TMPRSS11F: variants seen among roughly 807,000 people sequenced by gnomAD.
The protein encoded by TMPRSS11F is transmembrane serine protease 11F.
TMPRSS11F carries 47 observed loss-of-function variants against 60.2 expected under a neutral mutation model. That is an observed-to-expected ratio of 0.78 (90% CI 0.62 to 1.00). The LOEUF (loss-of-function observed/expected upper bound fraction) is 1.00. Ranked by LOEUF, TMPRSS11F falls within the 50% of genes least tolerant of loss-of-function variation. The pLI is 0.00. For missense variants in TMPRSS11F, 519 were observed against 522.9 expected, an observed-to-expected ratio of 0.99 and a Z score of 0.07; for synonymous variants, 166 against 167.3, an observed-to-expected ratio of 0.99 and a Z score of 0.06.
At chr4:68,101,528 T>C (rs1251500809) in intron 1 of TMPRSS11F, among the ~76,000 whole-genome samples, 1 of 152,178 alleles carries the variant, frequency 6.6e-6, no homozygotes, top group African/African-American at 2.4e-5. Flanking sequence ...ATATATTTGT[T>C]AGATGTATAA....
In TMPRSS11F at chr4:68,090,588, T is replaced by C. The variant is rs1161461822; in HGVS notation, c.217A>G (p.Lys73Glu). The stretch of plus-strand genomic sequence containing the variant: ...GAAGATCTTATGCCATAATTTTCTT[T>C]ATATTTGATATTTGTGACTTTAAAA... ...ASFKVTNIKY[K>E]ENYGIRSSRE... Residue 73 changes from lysine (K) to glutamate (E), a missense_variant, in exon 3 of 10, where the codon AAA (lysine) becomes GAA (glutamate). Transcript: ENST00000356291. The C allele has an allele frequency of 1.2e-6, 2 of 1,601,976 alleles. No individual in the cohort carries two copies.
chr4:68,110,178 A>G (rs899857001), intron 1 of TMPRSS11F, among the ~76,000 whole-genome samples: 1 of 152,204 alleles, frequency 6.6e-6, no homozygotes, highest in African/African-American at 2.4e-5. Context: ...CATCTTCTTA[A>G]TGGCATGGGT....
rs993459483 is a variant in TMPRSS11F at position 68,064,883 on chromosome 4, T to C, written c.817A>G (p.Lys273Glu). 20 of 1,614,146 alleles carry C rather than the reference T, an allele frequency of 1.2e-5. No homozygotes were observed. The highest frequency in any genetic ancestry group is 1.6e-5 in the Non-Finnish European group (19 of 1,180,014). ...AGAATAATTTTCCTCACATTTCGTT[T>C]CACTGCGGGTGGTGTTATAGTTGCA... The part of the protein sequence containing the change: ...FGATITPPAV[K>E]RNVRKIILHE... The change falls in exon 8 of 10, where the codon AAA becomes GAA. Residue 273 changes from lysine to glutamate, a missense_variant. Transcript: ENST00000356291.
chr4:68,086,654 G>A (rs562898411), intron 3 of TMPRSS11F, among the ~76,000 whole-genome samples: 39 of 151,948 alleles, frequency 2.6e-4, no homozygotes, highest in Middle Eastern at 3.4e-3. Flanking sequence ...GAGACAATCC[G>A]TATAAATACA....
At chr4:68,080,102 T>TAGGA (rs1723661484) in intron 3 of TMPRSS11F, 2 of 152,216 alleles carry the variant, frequency 1.3e-5, no homozygotes, top group African/African-American at 4.8e-5. Flanking sequence ...AACTGATTCT[T>TAGGA]TTCCTCTTTC....
chr4:68,118,529 A>G (rs1244897710), intron 1 of TMPRSS11F, among the ~76,000 whole-genome samples: 1 of 152,202 alleles, frequency 6.6e-6, no homozygotes, highest in East Asian at 1.9e-4. Context: ...TTGATATACT[A>G]ATTACAATAT....
At chr4:68,115,325 C>T (rs1208754684) in intron 1 of TMPRSS11F, among the ~76,000 whole-genome samples, 1 of 134,496 alleles carries the variant, frequency 7.4e-6, no homozygotes, top group African/African-American at 2.8e-5. Flanking sequence ...CCACTGCACT[C>T]CAGCCTGGGC....
chr4:68,088,199 T>G (rs1324978233), intron 3 of TMPRSS11F, among the ~76,000 whole-genome samples: 1 of 151,610 alleles, frequency 6.6e-6, no homozygotes, highest in Non-Finnish European at 1.5e-5. Context: ...TGGAGGAAGA[T>G]CTACCAAGCA....
intron 1 of TMPRSS11F, among the ~76,000 whole-genome samples, chr4:68,108,850 TATGGGGGTAGGG>T (rs1724353277): frequency 6.6e-6 from 1 of 152,196 alleles, no homozygotes; most frequent in Non-Finnish European, 1.5e-5. Flanking sequence ...TATTTGTAAG[TATGGGGGTAGGG>T]ATTTGAAGGA....
intron 2 of TMPRSS11F, 122 bp from the exon 3 acceptor site, chr4:68,090,763 A>T: frequency 6.9e-7 from 1 of 1,439,060 alleles, no homozygotes. Context: ...TTAGTGTAAA[A>T]ATTCTTGAAG....
intron 1 of TMPRSS11F, among the ~76,000 whole-genome samples, chr4:68,121,142 T>A (rs1180641896): frequency 6.6e-6 from 1 of 152,226 alleles, no homozygotes; most frequent in East Asian, 1.9e-4. Context: ...TTAGGTCTAT[T>A]CTTTTTTTAG....
chr4:68,059,351 A>G lies in TMPRSS11F; in HGVS notation c.1133T>C (p.Met378Thr). The stretch of plus-strand genomic sequence containing the variant: ...CTTACATGCATCTATTTTTCCTTCC[A>G]TGAATCCAGCACATAACATTCCTGG... The part of the protein sequence containing the change: ...ITPGMLCAGF[M>T]EGKIDACKGD... Residue 378 changes from methionine to threonine, a missense_variant, in exon 9 of 10, where the codon ATG becomes ACG. Coordinates refer to ENST00000356291, the MANE Select transcript of TMPRSS11F (RefSeq NM_207407.2). The G allele has an allele frequency of 6.2e-7, 1 of 1,613,770 alleles. No individual in the cohort carries two copies. Among genetic ancestry groups the G allele is most frequent in the Non-Finnish European group, 8.5e-7 (1 of 1,179,898 alleles).
intron 6 of TMPRSS11F, 103 bp downstream of exon 6, chr4:68,069,866 G>T: frequency 2.4e-6 from 2 of 829,906 alleles, no homozygotes; most frequent in South Asian, 4.2e-5. Context: ...AATATAAAAT[G>T]AGTCTTAAAA....
chr4:68,072,230 A>AATGTAT (rs1553885922), intron 5 of TMPRSS11F, 93 bp downstream of exon 5: 2 of 87,354 alleles, frequency 2.3e-5, no homozygotes. Context: ...CCAAAAAAAA[A>AATGTAT]ATATATATAT....
At chr4:68,100,156 T>C (rs919543461) in intron 1 of TMPRSS11F, among the ~76,000 whole-genome samples, 1 of 152,092 alleles carries the variant, frequency 6.6e-6, no homozygotes, top group African/African-American at 2.4e-5. Flanking sequence ...AACATGACTT[T>C]TGTCCTCTAA....
At chr4:68,094,152 A>C (rs1724015486) in intron 2 of TMPRSS11F, among the ~76,000 whole-genome samples, 1 of 114,290 alleles carries the variant, frequency 8.7e-6, no homozygotes, top group East Asian at 2.4e-4. Context: ...ACCAACCCAA[A>C]TGTCCAACAA....
chr4:68,072,226 A>ATATATATATAGATATATATAT (rs61224244), intron 5 of TMPRSS11F, 97 bp downstream of exon 5: 1 of 79,248 alleles, frequency 1.3e-5, no homozygotes, highest in Non-Finnish European at 2.4e-5. Flanking sequence ...TCTTCCAAAA[A>ATATATATATAGATATATATAT]AAAAATATAT....
intron 1 of TMPRSS11F, among the ~76,000 whole-genome samples, chr4:68,105,972 G>A (rs368035116): frequency 7.9e-5 from 12 of 152,084 alleles, no homozygotes; most frequent in South Asian, 2.1e-4. Context: ...AAATAAAACC[G>A]ATACATCTGT....
intron 1 of TMPRSS11F, among the ~76,000 whole-genome samples, chr4:68,120,988 T>C (rs192460505): frequency 6.6e-6 from 1 of 152,320 alleles, no homozygotes; most frequent in East Asian, 1.9e-4. Context: ...CTGGGAAATA[T>C]AAAAAATTTG....
Sources: gnomAD v4.1 joint callset for allele counts (sites outside exome capture counted in the v4.1 genomes callset) on GRCh38, gnomAD v4.1.1 for gene constraint, MANE v1.5 for transcripts, NCBI Gene and HGNC (gene_info 2026-07-23, HGNC 2026-07-21) for gene names.